The following KHDRBS2 variants were observed in gnomAD, a reference collection of about 807,000 sequenced individuals.
The protein encoded by KHDRBS2 is KH RNA binding domain containing, signal transduction associated 2, also known as KH domain-containing, RNA-binding, signal transduction-associated protein 2.
Under a neutral mutation model 44.3 loss-of-function variants are expected in KHDRBS2, and 26 were observed. That is an observed-to-expected ratio of 0.59 (90% CI 0.43 to 0.81). The LOEUF (loss-of-function observed/expected upper bound fraction) is 0.81. Ranked by LOEUF, KHDRBS2 falls within the 40% of genes least tolerant of loss-of-function variation. KHDRBS2 has a pLI of 0.00. For missense variants in KHDRBS2, 476 were observed against 433.1 expected (o/e 1.10, Z -0.88); for synonymous variants, 194 against 151.1 (o/e 1.28, Z -2.08).
intron 3 of KHDRBS2, among the ~76,000 whole-genome samples, chr6:62,021,584 T>C (rs1186754257): frequency 1.3e-5 from 2 of 151,756 alleles, no homozygotes; most frequent in South Asian, 4.1e-4. Context: ...GGTGACATAG[T>C]AGAATCTCAT....
At position 61,680,852 on chromosome 6, in the gene KHDRBS2, G is replaced by T. The variant is rs1209688019; in HGVS notation, c.*111C>A. On this transcript the variant is annotated 3_prime_UTR_variant, in exon 9 of 9. Coordinates refer to ENST00000281156, the MANE Select transcript of KHDRBS2 (RefSeq NM_152688.4). ...GAGTAATCATGAGCAGTTATCCCTA[G>T]AATAGAAACAAACAAACAAAAAAAG... 1.8e-5 allele frequency: 12 copies of T among 654,272 alleles called. No homozygotes were observed. The highest frequency in any genetic ancestry group is 2.7e-6 in the Non-Finnish European group (1 of 368,404). The allele number at this position is 654,272 out of a possible 1,614,324, so 40.5% of individuals were successfully genotyped here.
chr6:62,002,117 T>G (rs992543668), intron 3 of KHDRBS2, among the ~76,000 whole-genome samples: 2 of 151,970 alleles, frequency 1.3e-5, no homozygotes, highest in African/African-American at 4.8e-5. Flanking sequence ...AGTGCACACA[T>G]TTGAAACCAT....
chr6:61,954,169 C>A (rs1280423646), intron 4 of KHDRBS2, among the ~76,000 whole-genome samples: 1 of 151,922 alleles, frequency 6.6e-6, no homozygotes, highest in Non-Finnish European at 1.5e-5. Flanking sequence ...TTTCCAGAAG[C>A]ACCTGCCAAG....
chr6:61,568,088 G>GAATAAT, the KHDRBS2 span, among the ~76,000 whole-genome samples: 1 of 152,020 alleles, frequency 6.6e-6, no homozygotes, highest in African/African-American at 2.4e-5. Context: ...ACTATTTATT[G>GAATAAT]AATAAAGTGT....
At chr6:61,610,290 C>G in the KHDRBS2 span, among the ~76,000 whole-genome samples, 1 of 152,106 alleles carries the variant, frequency 6.6e-6, no homozygotes, top group South Asian at 2.1e-4. Flanking sequence ...GGGGAAAAAT[C>G]ATACCTATTT....
At chr6:62,277,327 T>C (rs1029340738) in intron 1 of KHDRBS2, among the ~76,000 whole-genome samples, 2 of 152,020 alleles carry the variant, frequency 1.3e-5, no homozygotes, top group African/African-American at 4.8e-5. Context: ...TTTGGGTTTT[T>C]CTGTTGTTTT....
chr6:62,048,248 A>C (rs1223560873), intron 2 of KHDRBS2, among the ~76,000 whole-genome samples: 1 of 151,874 alleles, frequency 6.6e-6, no homozygotes, highest in African/African-American at 2.4e-5. Context: ...AAGTATGTTG[A>C]AAATATCATT....
intron 6 of KHDRBS2, among the ~76,000 whole-genome samples, chr6:61,737,732 G>C (rs1283882922): frequency 6.6e-6 from 1 of 152,014 alleles, no homozygotes. Flanking sequence ...GCTTTATTCT[G>C]TCTGCATTCA....
chr6:62,216,245 T>A (rs1829958660), intron 1 of KHDRBS2, among the ~76,000 whole-genome samples: 1 of 151,680 alleles, frequency 6.6e-6, no homozygotes, highest in South Asian at 2.1e-4. Flanking sequence ...ATGAAAAAAT[T>A]TACATTGCCA....
the KHDRBS2 span, among the ~76,000 whole-genome samples, chr6:61,547,879 G>A: frequency 6.6e-6 from 1 of 152,056 alleles, no homozygotes; most frequent in Non-Finnish European, 1.5e-5. Flanking sequence ...TGAACCATAT[G>A]ATAGTAAATT....
intron 6 of KHDRBS2, among the ~76,000 whole-genome samples, chr6:61,739,901 A>G (rs1409420020): frequency 6.6e-6 from 1 of 151,972 alleles, no homozygotes; most frequent in Non-Finnish European, 1.5e-5. Context: ...GTAAATGTTT[A>G]TCTTCAATAT....
At chr6:61,932,051 T>C (rs1351591910) in intron 4 of KHDRBS2, among the ~76,000 whole-genome samples, 1 of 152,200 alleles carries the variant, frequency 6.6e-6, no homozygotes, top group Non-Finnish European at 1.5e-5. Flanking sequence ...ATTTTAAAAA[T>C]GTGTCAATTG....
chr6:61,774,546 A>G (rs1014645671), intron 6 of KHDRBS2, among the ~76,000 whole-genome samples: 24 of 152,282 alleles, frequency 1.6e-4, no homozygotes, highest in African/African-American at 5.5e-4. Flanking sequence ...CCCATTTACA[A>G]TTGCTTCAAA....
chr6:61,874,264 G>A (rs376999968), intron 6 of KHDRBS2, among the ~76,000 whole-genome samples: 46 of 152,130 alleles, frequency 3.0e-4, no homozygotes, highest in African/African-American at 1.1e-3. Context: ...AAAAATAAAT[G>A]CTGAGAATTA....
chr6:61,835,702 G>GATGTGTGCGTGTGT (rs1383738152), intron 6 of KHDRBS2, among the ~76,000 whole-genome samples: 1 of 121,984 alleles, frequency 8.2e-6, no homozygotes, highest in Non-Finnish European at 1.7e-5. Flanking sequence ...AGCTAATGTT[G>GATGTGTGCGTGTGT]ATGTGTGCGT....
the KHDRBS2 span, among the ~76,000 whole-genome samples, chr6:61,578,363 A>T: frequency 6.6e-6 from 1 of 152,124 alleles, no homozygotes; most frequent in Non-Finnish European, 1.5e-5. Flanking sequence ...TGTGAGAGAG[A>T]TTTTAGCAAC....
chr6:62,065,455 A>G (rs996104030), intron 2 of KHDRBS2, among the ~76,000 whole-genome samples: 3 of 37,302 alleles, frequency 8.0e-5, no homozygotes, highest in Non-Finnish European at 2.2e-4. Flanking sequence ...ATGCACCCAT[A>G]AAAAATGATG....
the KHDRBS2 span, among the ~76,000 whole-genome samples, chr6:61,576,901 C>A: frequency 1.3e-5 from 2 of 152,134 alleles, no homozygotes; most frequent in Non-Finnish European, 2.9e-5. Context: ...AGAAACTTAG[C>A]TTGACTACTT....
intron 4 of KHDRBS2, among the ~76,000 whole-genome samples, chr6:61,955,187 T>TG (rs1766400526): frequency 3.5e-5 from 5 of 144,478 alleles, no homozygotes; most frequent in South Asian, 2.2e-4. Flanking sequence ...TACACATACG[T>TG]TTGTATGTAT....
Sources: allele counts gnomAD v4.1 joint callset (sites outside exome capture counted in the v4.1 genomes callset), GRCh38; gene constraint gnomAD v4.1.1; transcripts MANE v1.5; gene names NCBI Gene and HGNC (gene_info 2026-07-23, HGNC 2026-07-21).